RALGAPA1: variants seen among roughly 807,000 people sequenced by gnomAD.
The protein encoded by RALGAPA1 is ral GTPase-activating protein subunit alpha-1.
RALGAPA1 carries 52 observed loss-of-function variants against 269.6 expected under a neutral mutation model. The ratio of observed to expected loss-of-function variants is 0.19; its 90% CI spans 0.15 to 0.24. The LOEUF (loss-of-function observed/expected upper bound fraction) is 0.24, where lower values mean the gene tolerates loss of function less well. Among genes scored for constraint, RALGAPA1 ranks in the 10% least tolerant of loss-of-function variants. The probability of loss-of-function intolerance (pLI) is 1.00; values close to 1 mark genes in which losing one functional copy is unlikely to be tolerated. For missense variants in RALGAPA1, 1,917 were observed against 3,013.9 expected, an observed-to-expected ratio of 0.64 and a Z score of 8.52; for synonymous variants, 817 against 1,008.3, an observed-to-expected ratio of 0.81 and a Z score of 3.60.
chr14:35,589,551 G>A (rs148626197), intron 37 of RALGAPA1, among the ~76,000 whole-genome samples: 20 of 151,848 alleles, frequency 1.3e-4, no homozygotes, highest in African/African-American at 2.2e-4. Flanking sequence ...AAAAGTAAAT[G>A]TTTAAAAAAG....
In RALGAPA1 at chr14:35,674,555, A is replaced by C. The variant is rs1350008779; in HGVS notation, c.4779T>G (p.Val1593=). The change falls in exon 23 of 42, where the codon GTT becomes GTG. Residue 1593 remains valine, a synonymous_variant. Coordinates refer to ENST00000680220, the MANE Select transcript of RALGAPA1 (RefSeq NM_001346249.2). ...GCCAAAGTTCACAGAGGTAATCAAAAACTTGAGCATGTATTTCAGGATCCA... is the reference window on the plus strand; with the variant it reads ...GCCAAAGTTCACAGAGGTAATCAAACACTTGAGCATGTATTTCAGGATCCA... ...SIMDPEIHAQ[V]FDYLCELWQN... The C allele has an allele frequency of 6.2e-7, 1 of 1,609,450 alleles. No individual in the cohort carries two copies. The highest frequency in any genetic ancestry group is 1.7e-5 in the Admixed American group (1 of 59,428).
At chr14:35,789,672 A>G (rs1250699351) in intron 1 of RALGAPA1, among the ~76,000 whole-genome samples, 1 of 152,210 alleles carries the variant, frequency 6.6e-6, no homozygotes, top group East Asian at 1.9e-4. Flanking sequence ...CACTGTCTGT[A>G]GAAAAACTGT....
chr14:35,561,263 T>C (rs1398166391), intron 39 of RALGAPA1, among the ~76,000 whole-genome samples: 2 of 131,392 alleles, frequency 1.5e-5, no homozygotes, highest in Admixed American at 1.6e-4. Flanking sequence ...TACAGTAACA[T>C]CATCAACAGG....
chr14:35,735,743 A>G (rs1421917349), intron 12 of RALGAPA1, among the ~76,000 whole-genome samples: 3 of 152,220 alleles, frequency 2.0e-5, no homozygotes, highest in African/African-American at 7.2e-5. Flanking sequence ...CAACTGGGGG[A>G]AAAATGAATA....
chr14:35,672,773 T>C (rs1404077326), intron 25 of RALGAPA1, 94 bp downstream of exon 25: 1 of 1,213,784 alleles, frequency 8.2e-7, no homozygotes, highest in Non-Finnish European at 1.1e-6. Flanking sequence ...GAGTTTAACT[T>C]CTAGACCTTA....
chr14:35,673,360 A>C (rs1191735146), intron 24 of RALGAPA1, among the ~76,000 whole-genome samples: 1 of 152,210 alleles, frequency 6.6e-6, no homozygotes, highest in Non-Finnish European at 1.5e-5. Flanking sequence ...GTTTGAGACC[A>C]GCCTGGGCAA....
In RALGAPA1 at chr14:35,692,783, T is replaced by C. The variant is rs202132327; in HGVS notation, c.2408-2780A>G. Among the ~76,000 whole-genome samples the C allele has an allele frequency of 3.3e-5, 5 of 152,090 alleles. No individual in the cohort carries two copies. In the East Asian group the frequency reaches 9.6e-4, roughly 29 times the overall value. On this transcript the variant is annotated intron_variant, in intron 17 of 41. Coordinates refer to ENST00000680220, the MANE Select transcript of RALGAPA1 (RefSeq NM_001346249.2). ...GATCAAGAGGGCTGAATTATGTCAATACAAATGGCACTTGAATTGAGCATA... is the reference window on the plus strand; with the variant it reads ...GATCAAGAGGGCTGAATTATGTCAACACAAATGGCACTTGAATTGAGCATA...
chr14:35,792,238 C>G (rs1267460958), intron 1 of RALGAPA1, among the ~76,000 whole-genome samples: 1 of 152,028 alleles, frequency 6.6e-6, no homozygotes, highest in Non-Finnish European at 1.5e-5. Flanking sequence ...CTCACTGGAA[C>G]CTCTTCTTCC....
At chr14:35,550,561 T>TTCAATGAATTA (rs2054901180) in intron 39 of RALGAPA1, among the ~76,000 whole-genome samples, 1 of 152,034 alleles carries the variant, frequency 6.6e-6, no homozygotes, top group Non-Finnish European at 1.5e-5. Flanking sequence ...CAATGGGAGA[T>TTCAATGAATTA]ACCATGGCCA....
intron 28 of RALGAPA1, among the ~76,000 whole-genome samples, chr14:35,658,148 T>C (rs4982302): frequency 0.12 from 17,736 of 152,184 alleles, 1,137 homozygotes; most frequent in South Asian, 0.14. Context: ...AATGAAACAA[T>C]ATTATACGAA....
intron 35 of RALGAPA1, among the ~76,000 whole-genome samples, chr14:35,616,330 T>TA (rs1466536865): frequency 6.6e-6 from 1 of 152,052 alleles, no homozygotes; most frequent in African/African-American, 2.4e-5. Flanking sequence ...CTGGAATAAT[T>TA]AGAGAATTAG....
intron 13 of RALGAPA1, among the ~76,000 whole-genome samples, chr14:35,726,338 C>T (rs958681874): frequency 2.6e-5 from 4 of 152,156 alleles, no homozygotes; most frequent in African/African-American, 7.2e-5. Context: ...AGCTTAGCTA[C>T]ATGAAATAAA....
At chr14:35,674,877 G>A (rs2064810970) in intron 22 of RALGAPA1, among the ~76,000 whole-genome samples, 168 bp from the exon 23 acceptor site, 1 of 151,834 alleles carries the variant, frequency 6.6e-6, no homozygotes, top group Admixed American at 6.6e-5. Flanking sequence ...TTATTATTAT[G>A]AGATAATAAT....
chr14:35,645,346 G>GTGTGTGTGT (rs1555387901), intron 31 of RALGAPA1, among the ~76,000 whole-genome samples: 2 of 129,488 alleles, frequency 1.5e-5, no homozygotes, highest in Non-Finnish European at 3.2e-5. Flanking sequence ...TATAGAGATG[G>GTGTGTGTGT]GTGTGTGTGT....
rs1013431523 is a variant in RALGAPA1 at position 35,762,604 on chromosome 14, A to G, written c.369+106T>C. 3.9e-6 allele frequency: 3 copies of G among 766,420 alleles called. No individual in the cohort carries two copies. The African/African-American group carries it at 5.2e-5, about 13-fold the overall frequency. 47.5% of individuals were successfully genotyped at this position (766,420 alleles called of 1,614,324 possible). A position where few individuals can be genotyped will look rare whatever the true frequency, so the allele number is the denominator to read the frequency against. ...CACTTCAATTAAATAAACTGAAGAC[A>G]ATTCAGAGATCTTTAGGAAAAAGCT... is the stretch of plus-strand genomic sequence containing the variant. On this transcript the variant is annotated intron_variant, in intron 5 of 41. Transcript: ENST00000680220.
intron 37 of RALGAPA1, among the ~76,000 whole-genome samples, chr14:35,581,596 A>G (rs1335200032): frequency 6.6e-6 from 1 of 152,208 alleles, no homozygotes; most frequent in Admixed American, 6.5e-5. Context: ...TTCTCCAAAG[A>G]GTATATACAA....
At chr14:35,557,387 TAAGA>T (rs2055731301) in intron 39 of RALGAPA1, among the ~76,000 whole-genome samples, 1 of 151,870 alleles carries the variant, frequency 6.6e-6, no homozygotes, top group Admixed American at 6.6e-5. Context: ...CTAATTTAAT[TAAGA>T]TTTTATTTAA....
intron 37 of RALGAPA1, among the ~76,000 whole-genome samples, chr14:35,584,318 C>T (rs1259623607): frequency 6.6e-6 from 1 of 151,984 alleles, no homozygotes; most frequent in East Asian, 1.9e-4. Flanking sequence ...AGCTGGAGTG[C>T]AGTGGTGCAA....
At position 35,678,084 on chromosome 14, in the gene RALGAPA1, G is replaced by T. The variant is rs1392432978; in HGVS notation, c.4490C>A (p.Pro1497Gln). 3 of 1,604,672 alleles carry T rather than the reference G, an allele frequency of 1.9e-6. No homozygotes were observed. The African/African-American group carries it at 4.0e-5, about 22-fold the overall frequency. ...CCTGGAGCCCAGAGGTGAGTGGACT[G>T]GGGAAGCACTTTCTGAACCTGTAAA... ...ATITGSESAS[P>Q]VHSPLGSRSQ... Residue 1497 changes from proline to glutamine, a missense_variant, in exon 22 of 42, where the codon CCA becomes CAA. By Grantham distance (76) the Pro-to-Gln change is moderately conservative (BLOSUM62 -1). This residue lies in a region of RALGAPA1 where 615 missense variants were observed against 790.0 expected (regional missense o/e 0.78). Transcript: ENST00000680220.
Sources: gnomAD v4.1 joint callset for allele counts (sites outside exome capture counted in the v4.1 genomes callset) on GRCh38, gnomAD v4.1.1 for gene constraint, gnomAD v4.1.1 regional missense constraint, MANE v1.5 for transcripts, NCBI Gene and HGNC (gene_info 2026-07-23, HGNC 2026-07-21) for gene names.